Variants in SMG6 observed in about 807,000 individuals in gnomAD.
The protein encoded by SMG6 is telomerase-binding protein EST1A.
A neutral mutation model predicts 142.2 loss-of-function variants in SMG6; 66 were observed. The ratio of observed to expected loss-of-function variants is 0.46; its 90% confidence interval spans 0.38 to 0.57. The LOEUF is 0.57. Among genes scored for constraint, SMG6 ranks in the 20% least tolerant of loss-of-function variants. The pLI, the probability that SMG6 is intolerant of heterozygous loss-of-function variation, is 0.00. For synonymous variants in SMG6, 779 were observed against 702.4 expected (o/e 1.11, Z -1.72); for missense variants, 1,793 against 1,832.0 (o/e 0.98, Z 0.39).
intron 8 of SMG6, among the ~76,000 whole-genome samples, chr17:2,261,786 G>C (rs1411717293): frequency 6.6e-6 from 1 of 152,164 alleles, no homozygotes; most frequent in African/African-American, 2.4e-5. Context: ...TCTCACTCCT[G>C]GTCTGCAGTG....
At chr17:2,083,931 G>A (rs1361569073) in intron 14 of SMG6, among the ~76,000 whole-genome samples, 2 of 152,302 alleles carry the variant, frequency 1.3e-5, no homozygotes, top group African/African-American at 4.8e-5. Context: ...GGAGACTCGT[G>A]GGAAAAGGAA....
intron 8 of SMG6, among the ~76,000 whole-genome samples, chr17:2,250,769 C>T (rs2074029247): frequency 6.6e-6 from 1 of 151,976 alleles, no homozygotes; most frequent in African/African-American, 2.4e-5. Flanking sequence ...AGGTGGAGAC[C>T]AAATTTCATG....
intron 13 of SMG6, among the ~76,000 whole-genome samples, chr17:2,161,580 T>C (rs2071181854): frequency 6.6e-6 from 1 of 152,074 alleles, no homozygotes; most frequent in Non-Finnish European, 1.5e-5. Flanking sequence ...CAGGACATTG[T>C]CCTGATCTTC....
intron 13 of SMG6, among the ~76,000 whole-genome samples, chr17:2,117,100 T>TC (rs1042707204): frequency 4.0e-5 from 6 of 151,412 alleles, no homozygotes; most frequent in African/African-American, 1.2e-4. Context: ...CTTTTAAATT[T>TC]TTTTTTTTTT....
intron 8 of SMG6, among the ~76,000 whole-genome samples, chr17:2,281,512 C>T (rs549519682): frequency 2.6e-5 from 4 of 152,158 alleles, no homozygotes; most frequent in Non-Finnish European, 5.9e-5. Context: ...TGTCTGTTCA[C>T]TTCTTCCCAC....
At position 2,186,746 on chromosome 17, in the gene SMG6, G is replaced by A. The variant is rs748192971; in HGVS notation, c.3072C>T (p.Pro1024=). 2 of 1,614,220 alleles carry A rather than the reference G, an allele frequency of 1.2e-6. No individual in the cohort carries two copies. The highest frequency in any genetic ancestry group is 1.1e-5 in the South Asian group (1 of 91,084). ...SFVPDLKELL[P]SVKVWSDWML... Reference sequence around the variant, plus strand: ...TCCAATCTGACCAGACTTTGACACTGGGGAGCAGCTCCTTCAGGTCCGGGA... The same window carrying A: ...TCCAATCTGACCAGACTTTGACACTAGGGAGCAGCTCCTTCAGGTCCGGGA... Residue 1024 remains proline (P), a synonymous_variant, in exon 12 of 19, where the codon CCC becomes CCT. Transcript: ENST00000263073.
In SMG6 at chr17:2,068,098, A is replaced by C. The variant is rs892062467; in HGVS notation, c.3835+680T>G. Among the ~76,000 whole-genome samples the C allele has an allele frequency of 6.6e-6, 1 of 152,196 alleles. No homozygotes were observed. The highest frequency in any genetic ancestry group is 2.1e-4 in the South Asian group (1 of 4,832). ...ACCCACCACAGAGCTCCAAGAACTA[A>C]GGGTACCCAGACGGTCCCGTGGAGA... On this transcript the variant is annotated intron_variant, in intron 16 of 18. Transcript: ENST00000263073. This position sits in a 1 kb window ranked among gnomAD's most constrained non-coding sequence, Gnocchi z 6.7.
chr17:2,140,625 T>C (rs1436405094), intron 13 of SMG6, among the ~76,000 whole-genome samples: 2 of 150,066 alleles, frequency 1.3e-5, no homozygotes, highest in Non-Finnish European at 2.9e-5. Context: ...TGAGCCGAGA[T>C]TGCACCACTG....
In SMG6 at chr17:2,061,575, G is replaced by A. The variant is rs1249493772; in HGVS notation, c.4177C>T (p.Arg1393Trp). The A allele has an allele frequency of 6.4e-7, 1 of 1,572,650 alleles. No homozygotes were observed. The highest frequency in any genetic ancestry group is 1.2e-5 in the South Asian group (1 of 85,838). The stretch of plus-strand genomic sequence containing the variant: ...GTGAGCGCCTTCACACGCAGGTTCC[G>A]GTCATCCGTCAACAGCACCACCTCC... ...LREVVLLTDD[R>W]NLRVKALTRN... Residue 1393 changes from arginine (R) to tryptophan (W), a missense_variant, in exon 19 of 19, where the codon CGG becomes TGG. Transcript: ENST00000263073.
At chr17:2,267,918 T>A (rs1016215819) in intron 8 of SMG6, among the ~76,000 whole-genome samples, 2 of 151,988 alleles carry the variant, frequency 1.3e-5, no homozygotes, top group Non-Finnish European at 1.5e-5. Context: ...CGGCTAATTT[T>A]TTGTATTTTT....
chr17:2,241,777 G>A (rs1029239990), intron 9 of SMG6, among the ~76,000 whole-genome samples: 4 of 152,194 alleles, frequency 2.6e-5, no homozygotes, highest in African/African-American at 4.8e-5. Flanking sequence ...TAGAAGTGGA[G>A]GGGAAATCAG....
At chr17:2,207,117 CA>C (rs34276256) in intron 10 of SMG6, among the ~76,000 whole-genome samples, 44,352 of 79,988 alleles carry the variant, frequency 0.55, 10,939 homozygotes, top group Admixed American at 0.62. Context: ...ACTAAAAATC[CA>C]AAAAAAAAAA....
Position 2,068,701 on chromosome 17 carries a change from C to T in SMG6, c.3835+77G>A. 1 of 1,486,576 alleles carries T rather than the reference C, an allele frequency of 6.7e-7. No individual in the cohort carries two copies. Among genetic ancestry groups the T allele is most frequent in the South Asian group, 1.3e-5 (1 of 79,486 alleles). The allele number at this position is 1,486,576 out of a possible 1,614,324, so 92.1% of individuals were successfully genotyped here. A position where few individuals can be genotyped will look rare whatever the true frequency, so the allele number is the denominator to read the frequency against. On this transcript the variant is annotated intron_variant, in intron 16 of 18. Coordinates refer to ENST00000263073, the MANE Select transcript of SMG6 (RefSeq NM_017575.5). This position sits in a 1 kb window ranked among gnomAD's most constrained non-coding sequence, Gnocchi z 6.7. The stretch of plus-strand genomic sequence containing the variant: ...GCACAGCAGGGCTCTGCCTGCCTGG[C>T]CCCCAGGCCGTGGGGCGTGTGTGGA...
At chr17:2,264,291 G>A (rs1245347133) in intron 8 of SMG6, among the ~76,000 whole-genome samples, 1 of 152,204 alleles carries the variant, frequency 6.6e-6, no homozygotes, top group Admixed American at 6.5e-5. Flanking sequence ...GCCAAAGGAG[G>A]ACTTTTCTCA....
At chr17:2,117,917 A>C (rs1009260243) in intron 13 of SMG6, 4 of 152,022 alleles carry the variant, frequency 2.6e-5, no homozygotes, top group African/African-American at 9.7e-5. Context: ...GGGGGGAAAA[A>C]AGTTTTAGTT....
intron 6 of SMG6, among the ~76,000 whole-genome samples, chr17:2,289,401 C>T (rs2074980976): frequency 6.6e-6 from 1 of 151,710 alleles, no homozygotes; most frequent in African/African-American, 2.4e-5. Context: ...TACAAAAAAT[C>T]AAAATATTAC....
At position 2,298,916 on chromosome 17, in the gene SMG6, C is replaced by T. The variant is rs1338936973; in HGVS notation, c.1837G>A (p.Ala613Thr). ...RISPEGLEKM[A>T]QLRAELLQLY... ...TAGACCACATCATACCTGAGTTGCG[C>T]CATCTTCTCCAGGCCCTCCGGACTG... is the stretch of plus-strand genomic sequence containing the variant. Residue 613 changes from alanine (A) to threonine (T), a missense_variant, in exon 2 of 19, where the codon GCG becomes ACG. Ala to Thr is a moderately conservative substitution (Grantham distance 58). Transcript: ENST00000263073. The T allele has an allele frequency of 1.2e-6, 2 of 1,612,936 alleles. No individual in the cohort carries two copies. The highest frequency in any genetic ancestry group is 2.2e-5 in the East Asian group (1 of 44,876).
At chr17:2,144,401 C>A (rs2070595903) in intron 13 of SMG6, among the ~76,000 whole-genome samples, 1 of 151,982 alleles carries the variant, frequency 6.6e-6, no homozygotes. Context: ...AGATGGGTTT[C>A]TCATCATGTT....
At chr17:2,177,070 T>C (rs528989855) in intron 12 of SMG6, among the ~76,000 whole-genome samples, 7 of 152,168 alleles carry the variant, frequency 4.6e-5, no homozygotes, top group South Asian at 4.2e-4. Flanking sequence ...TTGGGGGATA[T>C]TGACTCCGGA....
Sources: gnomAD v4.1 joint callset for allele counts (sites outside exome capture counted in the v4.1 genomes callset) on GRCh38, gnomAD v4.1.1 for gene constraint, Gnocchi (gnomAD v3.1) non-coding constraint, MANE v1.5 for transcripts, NCBI Gene and HGNC (gene_info 2026-07-23, HGNC 2026-07-21) for gene names.